RGS5: variants seen among roughly 807,000 people sequenced by gnomAD.
RGS5 encodes regulator of G protein signaling 5, also known as regulator of G-protein signalling 5.
RGS5 carries 20 observed loss-of-function variants against 18.9 expected under a neutral mutation model. That is an observed-to-expected ratio of 1.06 (90% CI 0.74 to 1.54). RGS5 has a LOEUF of 1.54. RGS5 is among the 40% of genes most tolerant of loss of function. The pLI, the probability that RGS5 is intolerant of heterozygous loss-of-function variation, is 0.00. For missense variants in RGS5, 201 were observed against 211.8 expected, an observed-to-expected ratio of 0.95 and a Z score of 0.32; for synonymous variants, 57 against 76.2, an observed-to-expected ratio of 0.75 and a Z score of 1.31.
At chr1:163,255,926 A>C (rs1648259739) in intron 2 of RGS5, among the ~76,000 whole-genome samples, 1 of 151,996 alleles carries the variant, frequency 6.6e-6, no homozygotes, top group South Asian at 2.1e-4. Context: ...CATGCTAAAA[A>C]CTCTCAATAA....
At chr1:163,302,687 T>C (rs1649583107) in intron 2 of RGS5, among the ~76,000 whole-genome samples, 1 of 152,162 alleles carries the variant, frequency 6.6e-6, no homozygotes, top group African/African-American at 2.4e-5. Flanking sequence ...CAAACCACAG[T>C]CAAACCAAAT....
intron 3 of RGS5, among the ~76,000 whole-genome samples, chr1:163,154,184 T>C (rs1181982438): frequency 6.6e-6 from 1 of 152,226 alleles, no homozygotes; most frequent in Non-Finnish European, 1.5e-5. Context: ...TTACCTATTC[T>C]TTTTATAGGC....
intron 4 of RGS5, among the ~76,000 whole-genome samples, chr1:163,150,773 A>G (rs973819110): frequency 2.6e-5 from 4 of 152,208 alleles, no homozygotes; most frequent in African/African-American, 9.7e-5. Flanking sequence ...GAGGAAGCAC[A>G]TCTACTAGTA....
chr1:163,208,433 A>G (rs1441669960), intron 1 of RGS5, among the ~76,000 whole-genome samples: 1 of 140,386 alleles, frequency 7.1e-6, no homozygotes, highest in Non-Finnish European at 1.5e-5. Flanking sequence ...CAGGAGGATT[A>G]CTTGAGCCCA....
At chr1:163,246,185 C>A (rs1468563355) in intron 2 of RGS5, among the ~76,000 whole-genome samples, 1 of 150,984 alleles carries the variant, frequency 6.6e-6, no homozygotes, top group Non-Finnish European at 1.5e-5. Context: ...CGCGCCACTG[C>A]ACTCCAGCCT....
chr1:163,309,695 CTAT>C (rs1557938687), intron 1 of RGS5, among the ~76,000 whole-genome samples: 1 of 152,102 alleles, frequency 6.6e-6, no homozygotes, highest in African/African-American at 2.4e-5. Context: ...TTCCAAATTC[CTAT>C]TATAATAAAT....
At chr1:163,304,050 A>C (rs72695981) in intron 2 of RGS5, among the ~76,000 whole-genome samples, 16,967 of 152,182 alleles carry the variant, frequency 0.11, 1,261 homozygotes, top group South Asian at 0.21. Context: ...GCTGGTCTAC[A>C]TGTCTCTCTA....
chr1:163,147,231 G>T lies in RGS5; in HGVS notation c.*111C>A. On this transcript the variant is annotated 3_prime_UTR_variant, in exon 5 of 5. Transcript: ENST00000313961. ...CAACATCCCCTGGGATTTTTCCCAT[G>T]TGGGTATCACTGAGCAAAGCTGCTG... The T allele has an allele frequency of 8.7e-7, 1 of 1,153,638 alleles. No homozygotes were observed. The highest frequency in any genetic ancestry group is 1.2e-6 in the Non-Finnish European group (1 of 848,120). 71.5% of individuals were successfully genotyped at this position (1,153,638 alleles called of 1,614,324 possible).
At chr1:163,226,438 T>C (rs1647337557) in intron 2 of RGS5, among the ~76,000 whole-genome samples, 1 of 152,124 alleles carries the variant, frequency 6.6e-6, no homozygotes, top group Non-Finnish European at 1.5e-5. Context: ...AGTGGCCCCA[T>C]GGACCTGTAG....
At chr1:163,314,563 C>CAA (rs66971381) in intron 1 of RGS5, among the ~76,000 whole-genome samples, 1 of 151,536 alleles carries the variant, frequency 6.6e-6, no homozygotes, top group Non-Finnish European at 1.5e-5. Context: ...ACAACAACAA[C>CAA]AAAAAAAACC....
intron 2 of RGS5, among the ~76,000 whole-genome samples, chr1:163,226,076 A>C (rs1358794524): frequency 2.0e-5 from 3 of 152,042 alleles, no homozygotes; most frequent in Non-Finnish European, 4.4e-5. Flanking sequence ...GTGAGCCACT[A>C]TGCCCAGCTA....
intron 2 of RGS5, among the ~76,000 whole-genome samples, chr1:163,273,897 G>A (rs1431948296): frequency 6.6e-6 from 1 of 152,154 alleles, no homozygotes. Context: ...TGGAATGTAT[G>A]GTTGATAATG....
At chr1:163,223,413 T>G (rs1382153124) in intron 2 of RGS5, among the ~76,000 whole-genome samples, 3 of 152,194 alleles carry the variant, frequency 2.0e-5, no homozygotes, top group Non-Finnish European at 4.4e-5. Context: ...CTGCTGCTCC[T>G]CCCACTAATG....
At chr1:163,291,123 C>A (rs1297047344) in intron 2 of RGS5, among the ~76,000 whole-genome samples, 1 of 132,758 alleles carries the variant, frequency 7.5e-6, no homozygotes, top group Non-Finnish European at 1.7e-5. Flanking sequence ...ATACATAAGC[C>A]CACTTATTAA....
At chr1:163,219,106 G>A (rs1660278623), upstream of RGS5, among the ~76,000 whole-genome samples, 1 of 139,828 alleles carries the variant, frequency 7.2e-6, no homozygotes, top group African/African-American at 2.6e-5. Context: ...TTATGTATTT[G>A]TCTTACTCTT....
chr1:163,315,055 G>A (rs950678787), intron 1 of RGS5, among the ~76,000 whole-genome samples: 3 of 152,050 alleles, frequency 2.0e-5, no homozygotes, highest in East Asian at 3.8e-4. Flanking sequence ...ATCACTGCTC[G>A]GGTGACAGAT....
chr1:163,168,183 T>G, intron 2 of RGS5, 75 bp downstream of exon 2: 3 of 1,077,228 alleles, frequency 2.8e-6, no homozygotes, highest in Non-Finnish European at 4.3e-6. Flanking sequence ...GTTCTACAGA[T>G]GAGGAATGGT....
At chr1:163,158,365 A>G (rs1436175581) in intron 3 of RGS5, among the ~76,000 whole-genome samples, 12 of 152,164 alleles carry the variant, frequency 7.9e-5, no homozygotes. Context: ...ATAAAGAAGA[A>G]GAGAGCAATA....
intron 1 of RGS5, among the ~76,000 whole-genome samples, chr1:163,210,123 A>T (rs1166470437): frequency 6.6e-6 from 1 of 151,806 alleles, no homozygotes. Context: ...CCAAGTTCCT[A>T]GGACTACAGA....
Sources: gnomAD v4.1 joint callset for allele counts (sites outside exome capture counted in the v4.1 genomes callset) on GRCh38, gnomAD v4.1.1 for gene constraint, MANE v1.5 for transcripts, NCBI Gene and HGNC (gene_info 2026-07-23, HGNC 2026-07-21) for gene names.